The following PAK3 variants were observed in gnomAD, a reference collection of about 807,000 sequenced individuals.
The protein encoded by PAK3 is p21 (RAC1) activated kinase 3, also known as serine/threonine-protein kinase PAK 3.
Under a neutral mutation model 41.0 loss-of-function variants are expected in PAK3, and 4 were observed. The ratio of observed to expected loss-of-function variants is 0.10; its 90% CI spans 0.05 to 0.22. The LOEUF (loss-of-function observed/expected upper bound fraction) is 0.22. Among genes scored for constraint, PAK3 ranks in the 10% least tolerant of loss-of-function variants. PAK3 has a pLI of 1.00. For synonymous variants in PAK3, 146 were observed against 139.6 expected (o/e 1.05, Z -0.32); for missense variants, 205 against 409.9 (o/e 0.50, Z 4.32).
At chrX:111,119,078 G>C (rs2093521232) in intron 4 of PAK3, among the ~76,000 whole-genome samples, 1 of 111,215 alleles carries the variant, frequency 9.0e-6, no homozygotes, top group Non-Finnish European at 1.9e-5. Flanking sequence ...GGGGAGTGGG[G>C]AGAAAGGGAG....
intron 11 of PAK3, among the ~76,000 whole-genome samples, chrX:111,174,577 A>G (rs142733570): frequency 8.9e-6 from 1 of 112,122 alleles, no homozygotes; most frequent in African/African-American, 3.2e-5. Flanking sequence ...GTGATAAACA[A>G]CAGAACTTAC....
At chrX:111,074,343 G>A (rs768943187) in intron 1 of PAK3, among the ~76,000 whole-genome samples, 39 of 111,129 alleles carry the variant, frequency 3.5e-4, no homozygotes, top group Non-Finnish European at 5.5e-4. Flanking sequence ...GGTGATAAAC[G>A]AGTTCTTGCT....
rs2091759764 is a variant in PAK3 at position 110,997,451 on chromosome X, T to TA, written c.-28+52824dup. Among the ~76,000 whole-genome samples, 7 of 111,395 alleles carry TA rather than the reference T, an allele frequency of 6.3e-5. No homozygotes were observed. In the South Asian group the frequency reaches 2.7e-3, roughly 43 times the overall value. ...AGAAGGATGATAGAAATGGCAATGA[T>TA]ATGAGAACCAATAAGAAATGGACAC... On this transcript the variant is annotated intron_variant, in intron 1 of 14. Transcript: ENST00000425146.
intron 16 of PAK3, among the ~76,000 whole-genome samples, chrX:111,214,282 G>A (rs1322849810): frequency 8.9e-6 from 1 of 111,802 alleles, no homozygotes; most frequent in Non-Finnish European, 1.9e-5. Context: ...TGGGCTCCAG[G>A]TTCTCAGCCA....
intron 1 of PAK3, among the ~76,000 whole-genome samples, chrX:111,083,124 G>T (rs745684070): frequency 8.9e-6 from 1 of 112,607 alleles, no homozygotes; most frequent in South Asian, 3.7e-4. Flanking sequence ...AACGCAAAAG[G>T]TAAGTTTATT....
At chrX:111,166,454 C>A (rs752716865) in intron 10 of PAK3, among the ~76,000 whole-genome samples, 21 of 111,018 alleles carry the variant, frequency 1.9e-4, no homozygotes, top group Non-Finnish European at 4.0e-4. Context: ...TGTGCGCCAC[C>A]ATGCCCAGCT....
At chrX:111,157,702 G>A (rs1261715092) in intron 8 of PAK3, among the ~76,000 whole-genome samples, 5 of 109,016 alleles carry the variant, frequency 4.6e-5, no homozygotes, top group African/African-American at 1.0e-4. Context: ...CAGGAGAATC[G>A]CTTGAACCCA....
intron 11 of PAK3, among the ~76,000 whole-genome samples, chrX:111,176,772 A>C (rs1473857393): frequency 3.6e-5 from 4 of 110,865 alleles, no homozygotes; most frequent in Non-Finnish European, 7.6e-5. Context: ...TTTCACACAC[A>C]CCCCACAACC....
chrX:111,124,046 C>A, intron 5 of PAK3, among the ~76,000 whole-genome samples: 1 of 111,697 alleles, frequency 9.0e-6, no homozygotes, highest in Non-Finnish European at 1.9e-5. Context: ...GTCAGAAGGG[C>A]AAGAAGGGTG....
At chrX:111,149,190 C>A (rs773556970) in intron 7 of PAK3, among the ~76,000 whole-genome samples, 1 of 111,931 alleles carries the variant, frequency 8.9e-6, no homozygotes, top group Non-Finnish European at 1.9e-5. Flanking sequence ...ATCTAGGTCA[C>A]GCTGATGTAA....
At chrX:110,984,523 G>A (rs1461935240) in intron 1 of PAK3, among the ~76,000 whole-genome samples, 1 of 111,510 alleles carries the variant, frequency 9.0e-6, no homozygotes, top group Non-Finnish European at 1.9e-5. Context: ...ACAGTGGGGG[G>A]CAAAGTGTTG....
rs370416636 is a variant in PAK3 at position 110,989,298 on chromosome X, G to A, written c.-28+44670G>A. ...CTCCTACCTGACTTTGTATTTTCCT[G>A]ATGGTACTTATCATACAACTTAACA... On this transcript the variant is annotated intron_variant, in intron 1 of 14. Coordinates refer to the PAK3 transcript ENST00000425146. Among the ~76,000 whole-genome samples the A allele has an allele frequency of 4.4e-3, 490 of 111,834 alleles. 3 individuals are homozygous for A. Among genetic ancestry groups the A allele is most frequent in the African/African-American group, 0.015 (473 of 30,780 alleles).
intron 1 of PAK3, among the ~76,000 whole-genome samples, chrX:111,059,121 C>CTTTT (rs386417402): frequency 0.016 from 987 of 60,955 alleles, 42 homozygotes; most frequent in African/African-American, 0.055. Flanking sequence ...TCAACTTTTC[C>CTTTT]TTTTTTTTTT....
chrX:111,035,580 G>C (rs1318913130), intron 1 of PAK3, among the ~76,000 whole-genome samples: 1 of 111,773 alleles, frequency 8.9e-6, no homozygotes, highest in Admixed American at 9.5e-5. Flanking sequence ...TTATTAGCTG[G>C]ATGTTTCCAG....
intron 1 of PAK3, among the ~76,000 whole-genome samples, chrX:110,973,472 T>A (rs2091256719): frequency 8.9e-6 from 1 of 111,784 alleles, no homozygotes. Flanking sequence ...CTAATCTTCC[T>A]AAGTGAAGGA....
rs767374432 is a variant in PAK3, at chrX:111,102,649, C to T, written c.-175-510C>T. Among the ~76,000 whole-genome samples, 5 of 112,468 alleles carry T rather than the reference C, an allele frequency of 4.4e-5. No individual in the cohort carries two copies. The South Asian group carries it at 1.9e-3, about 42-fold the overall frequency. On this transcript the variant is annotated intron_variant, in intron 3 of 17. Coordinates refer to ENST00000372007, the MANE Select transcript of PAK3 (RefSeq NM_002578.5). ...ATTCACAGAGCCAACCTTCATTGGC[C>T]ATTGTCTCTCAGTTTCCTTTTGTCC...
At chrX:110,964,247 T>C (rs1299186426) in intron 1 of PAK3, among the ~76,000 whole-genome samples, 3 of 112,172 alleles carry the variant, frequency 2.7e-5, no homozygotes, top group Non-Finnish European at 5.6e-5. Flanking sequence ...ATTTTTCTGA[T>C]TCAAAAGCTC....
At chrX:111,106,501 C>T (rs749097359) in intron 4 of PAK3, among the ~76,000 whole-genome samples, 2 of 111,570 alleles carry the variant, frequency 1.8e-5, no homozygotes, top group South Asian at 3.9e-4. Flanking sequence ...TACTCAGACT[C>T]TCACATGAAC....
intron 1 of PAK3, among the ~76,000 whole-genome samples, chrX:110,972,798 G>A (rs1302653216): frequency 9.0e-6 from 1 of 111,154 alleles, no homozygotes; most frequent in Non-Finnish European, 1.9e-5. Flanking sequence ...CCCATCACAA[G>A]GAAGCTAAAA....
Sources: gnomAD v4.1 joint callset for allele counts (sites outside exome capture counted in the v4.1 genomes callset) on GRCh38, gnomAD v4.1.1 for gene constraint, MANE v1.5 for transcripts, NCBI Gene and HGNC (gene_info 2026-07-23, HGNC 2026-07-21) for gene names.